The following GSDMA variants were observed in gnomAD, a reference collection of about 807,000 sequenced individuals.
GSDMA encodes gasdermin-A.
A neutral mutation model predicts 54.3 loss-of-function variants in GSDMA; 55 were observed. The observed-to-expected ratio is 1.01, with a 90% confidence interval of 0.82 to 1.27. GSDMA has a LOEUF of 1.27. Ranked by LOEUF, GSDMA falls within the 50% of genes most tolerant of loss-of-function variation. The probability of loss-of-function intolerance (pLI) is 0.00; values close to 1 mark genes in which losing one functional copy is unlikely to be tolerated. For missense variants in GSDMA, 542 were observed against 542.6 expected, an observed-to-expected ratio of 1.00 and a Z score of 0.01; for synonymous variants, 211 against 224.7, an observed-to-expected ratio of 0.94 and a Z score of 0.54.
intron 1 of GSDMA, among the ~76,000 whole-genome samples, chr17:39,965,269 A>AGAAG (rs141015487): frequency 6.1e-5 from 7 of 115,552 alleles, no homozygotes; most frequent in Non-Finnish European, 1.2e-4. Context: ...AGAGAAAGAA[A>AGAAG]GAAGGAAGGA....
chr17:39,964,900 G>C (rs906316148), intron 1 of GSDMA, among the ~76,000 whole-genome samples: 1 of 152,140 alleles, frequency 6.6e-6, no homozygotes, highest in African/African-American at 2.4e-5. Flanking sequence ...GCTGAGGTGG[G>C]AGGATCACTT....
At chr17:39,965,581 A>G (rs371100751) in intron 1 of GSDMA, 102 bp from the exon 2 acceptor site, 62 of 792,454 alleles carry the variant, frequency 7.8e-5, no homozygotes, top group African/African-American at 8.6e-5. Context: ...CTCCTGCCTC[A>G]GAGCCGGGTA....
intron 3 of GSDMA, 46 bp from the exon 4 acceptor site, chr17:39,970,436 G>T: frequency 4.0e-6 from 6 of 1,482,236 alleles, no homozygotes; most frequent in Non-Finnish European, 5.4e-6. Context: ...TGTGGTACAG[G>T]CAGGAAGGAG....
At position 39,972,975 on chromosome 17, in the gene GSDMA, A is replaced by C. The variant is rs1351849395; in HGVS notation, c.730+362A>C. ...GTGAGACAATGTCTCTATTTAAAAA[A>C]AAAAATTTTTTTTTGGATGGAGTTT... On this transcript the variant is annotated intron_variant, in intron 7 of 11. Transcript: ENST00000301659. Among the ~76,000 whole-genome samples, 4 of 152,028 alleles carry C rather than the reference A, an allele frequency of 2.6e-5. No individual in the cohort carries two copies. In the East Asian group the frequency reaches 7.7e-4, roughly 29 times the overall value.
At chr17:39,969,493 T>A (rs1294873018) in intron 3 of GSDMA, among the ~76,000 whole-genome samples, 1 of 151,874 alleles carries the variant, frequency 6.6e-6, no homozygotes, top group Non-Finnish European at 1.5e-5. Flanking sequence ...GCAGACAGAA[T>A]GGATAAGATT....
chr17:39,976,581 G>C (rs1044405210), intron 11 of GSDMA, among the ~76,000 whole-genome samples: 1 of 152,050 alleles, frequency 6.6e-6, no homozygotes, highest in African/African-American at 2.4e-5. Context: ...CCTGGCCTGT[G>C]AGCAAATTTT....
chr17:39,967,480 C>T (rs986333456), intron 3 of GSDMA, among the ~76,000 whole-genome samples: 18 of 152,100 alleles, frequency 1.2e-4, no homozygotes, highest in South Asian at 2.1e-4. Flanking sequence ...GCGAGTAGAA[C>T]GAGCAGGAAA....
intron 4 of GSDMA, 37 bp from the exon 5 acceptor site, chr17:39,971,487 G>A (rs1003181901): frequency 2.6e-6 from 4 of 1,525,562 alleles, no homozygotes; most frequent in Admixed American, 3.3e-5. Flanking sequence ...TACTTAAGAT[G>A]TCCAGAGATT....
intron 2 of GSDMA, 112 bp downstream of exon 2, chr17:39,966,013 T>C (rs1979643435): frequency 2.0e-6 from 2 of 1,025,514 alleles, no homozygotes; most frequent in Non-Finnish European, 1.4e-6. Flanking sequence ...TTAGATGTCA[T>C]CTAGCCCAAA....
chr17:39,970,931 C>T (rs763407974), intron 4 of GSDMA, among the ~76,000 whole-genome samples: 20 of 152,160 alleles, frequency 1.3e-4, no homozygotes, highest in South Asian at 4.1e-4. Flanking sequence ...GGTTTTCCCT[C>T]GTGGTGCTCC....
At chr17:39,972,027 AAG>A (rs1250275883) in intron 5 of GSDMA, 100 bp from the exon 6 acceptor site, 4 of 710,962 alleles carry the variant, frequency 5.6e-6, no homozygotes, top group Non-Finnish European at 9.6e-6. Context: ...TTTGGGGTGC[AAG>A]GTCCTAGCCC....
intron 6 of GSDMA, among the ~76,000 whole-genome samples, 192 bp from the exon 7 acceptor site, chr17:39,972,395 C>T (rs3859192): frequency 0.42 from 63,182 of 151,928 alleles, 13,488 homozygotes; most frequent in East Asian, 0.5. Context: ...AGACAGAGAC[C>T]GGAAGGCACA....
chr17:39,968,237 AC>A (rs1979757631), intron 3 of GSDMA, among the ~76,000 whole-genome samples: 1 of 149,028 alleles, frequency 6.7e-6, no homozygotes, highest in African/African-American at 2.5e-5. Flanking sequence ...ATGGGGTTTC[AC>A]CATGTTAGTC....
chr17:39,972,103 C>CA, intron 5 of GSDMA, 26 bp from the exon 6 acceptor site: 6 of 728,544 alleles, frequency 8.2e-6, no homozygotes, highest in East Asian at 3.1e-5. Flanking sequence ...AGTGTCCTCC[C>CA]ACCCTCCCTC....
At chr17:39,965,966 C>A in intron 2 of GSDMA, 65 bp downstream of exon 2, 2 of 1,418,548 alleles carry the variant, frequency 1.4e-6, no homozygotes, top group Non-Finnish European at 9.6e-7. Flanking sequence ...ACCTGGCCTG[C>A]AAGGAGGACC....
chr17:39,965,987 C>T (rs1979642144), intron 2 of GSDMA, 86 bp downstream of exon 2: 2 of 1,272,812 alleles, frequency 1.6e-6, no homozygotes, highest in Non-Finnish European at 2.2e-6. Flanking sequence ...TCAAAGCTCC[C>T]TCTGGCCAGA....
intron 5 of GSDMA, 66 bp downstream of exon 5, chr17:39,971,686 T>C: frequency 8.5e-7 from 1 of 1,170,126 alleles, no homozygotes; most frequent in Non-Finnish European, 1.3e-6. Flanking sequence ...TGAGGCACCC[T>C]GGTCCCCTCT....
chr17:39,967,131 A>G (rs1979705786), intron 3 of GSDMA, among the ~76,000 whole-genome samples: 2 of 152,224 alleles, frequency 1.3e-5, no homozygotes, highest in South Asian at 4.1e-4. Context: ...GCACTCTACT[A>G]CGGGCTGGGG....
chr17:39,974,560 G>A (rs1980116234), intron 9 of GSDMA, 133 bp downstream of exon 9: 9 of 981,040 alleles, frequency 9.2e-6, no homozygotes, highest in Non-Finnish European at 1.3e-5. Flanking sequence ...GTCCACCTTA[G>A]ATACCTTCCC....
Sources: gnomAD v4.1 joint callset for allele counts (sites outside exome capture counted in the v4.1 genomes callset) on GRCh38, gnomAD v4.1.1 for gene constraint, MANE v1.5 for transcripts, NCBI Gene and HGNC (gene_info 2026-07-23, HGNC 2026-07-21) for gene names.